The following IGF1 variants were observed in gnomAD, a reference collection of about 807,000 sequenced individuals.
The protein encoded by IGF1 is insulin like growth factor 1, also known as insulin-like growth factor 1.
Under a neutral mutation model 13.8 loss-of-function variants are expected in IGF1, and 4 were observed. The ratio of observed to expected loss-of-function variants is 0.29; its 90% CI spans 0.14 to 0.66. IGF1 has a LOEUF of 0.66. Among genes scored for constraint, IGF1 ranks in the 30% least tolerant of loss-of-function variants. IGF1 has a pLI of 0.78. For synonymous variants in IGF1, 76 were observed against 72.6 expected (o/e 1.05, Z -0.23); for missense variants, 124 against 188.5 (o/e 0.66, Z 2.00).
chr12:102,434,205 T>G (rs1173140056), intron 2 of IGF1, among the ~76,000 whole-genome samples: 1 of 150,998 alleles, frequency 6.6e-6, no homozygotes, highest in African/African-American at 2.4e-5. Flanking sequence ...TTGTGCAGGT[T>G]AGTTACATAT....
rs1214663519 is a variant in IGF1, at chr12:102,399,928, T to C, written c.*2579A>G. On this transcript the variant is annotated 3_prime_UTR_variant, in exon 4 of 4. Transcript: ENST00000337514. Reference sequence around the variant, plus strand: ...AGTATCTTATTCCACAGAACCTGTATGTCTGGAAAACAGGCAGAGGGCAAA... The same window carrying C: ...AGTATCTTATTCCACAGAACCTGTACGTCTGGAAAACAGGCAGAGGGCAAA... 6.6e-6 allele frequency: 1 copy of C among 152,216 alleles called. No individual in the cohort carries two copies. Among genetic ancestry groups the C allele is most frequent in the African/African-American group, 2.4e-5 (1 of 41,456 alleles). 9.4% of individuals were successfully genotyped at this position (152,216 alleles called of 1,614,324 possible). A position where few individuals can be genotyped will look rare whatever the true frequency, so the allele number is the denominator to read the frequency against.
intron 1 of IGF1, chr12:102,478,541 G>A: frequency 6.2e-7 from 1 of 1,609,226 alleles, no homozygotes; most frequent in Non-Finnish European, 8.5e-7. Flanking sequence ...GTCAGGGTGG[G>A]TATTATGAGG....
chr12:102,403,291 A>G (rs999523451), intron 3 of IGF1, among the ~76,000 whole-genome samples: 1 of 152,218 alleles, frequency 6.6e-6, no homozygotes, highest in Non-Finnish European at 1.5e-5. Context: ...GGCACATGGT[A>G]AGCACTACAT....
intron 2 of IGF1, among the ~76,000 whole-genome samples, chr12:102,461,938 G>A (rs1485587045): frequency 6.6e-6 from 1 of 152,196 alleles, no homozygotes; most frequent in Non-Finnish European, 1.5e-5. Context: ...GAATTAGCAA[G>A]TACCTCTTAC....
chr12:102,472,408 C>T (rs1880744609), intron 2 of IGF1, among the ~76,000 whole-genome samples: 1 of 151,848 alleles, frequency 6.6e-6, no homozygotes. Flanking sequence ...CAGAACAGTT[C>T]TAATAGAGTT....
chr12:102,464,984 G>A (rs1299898180), intron 2 of IGF1, among the ~76,000 whole-genome samples: 1 of 152,178 alleles, frequency 6.6e-6, no homozygotes, highest in African/African-American at 2.4e-5. Flanking sequence ...AGCAAGCTCA[G>A]TGTGGTAAAA....
intron 2 of IGF1, among the ~76,000 whole-genome samples, chr12:102,457,400 G>A (rs73180995): frequency 5.3e-5 from 8 of 152,302 alleles, no homozygotes; most frequent in Non-Finnish European, 1.2e-4. Context: ...GAATTTTGAC[G>A]CATCATTGAA....
At position 102,480,461 on chromosome 12, in the gene IGF1, T is replaced by A. The variant is rs1881335750; in HGVS notation, c.-80A>T. ...AAAAGAAATCCAGAGAGATGGGAGA[T>A]GTTGAGAGCAATGTCACATTTCAAT... On this transcript the variant is annotated 5_prime_UTR_variant, in exon 1 of 4. Coordinates refer to ENST00000337514, the MANE Select transcript of IGF1 (RefSeq NM_000618.5). 1.9e-6 allele frequency: 3 copies of A among 1,605,200 alleles called. No homozygotes were observed. Among genetic ancestry groups the A allele is most frequent in the African/African-American group, 1.3e-5 (1 of 74,804 alleles).
intron 2 of IGF1, among the ~76,000 whole-genome samples, chr12:102,466,372 G>T (rs1306447514): frequency 1.3e-5 from 2 of 152,116 alleles, no homozygotes; most frequent in Non-Finnish European, 2.9e-5. Context: ...TTGCCCCCAG[G>T]GGTACATTTG....
intron 2 of IGF1, among the ~76,000 whole-genome samples, chr12:102,427,514 G>C (rs1002773459): frequency 6.6e-6 from 1 of 152,158 alleles, no homozygotes; most frequent in Non-Finnish European, 1.5e-5. Context: ...CCTGCCCTCT[G>C]TTCTCAGGGG....
Position 102,409,758 on chromosome 12 carries a change from A to G in IGF1, c.403-7192T>C, listed in dbSNP as rs1421382556. Among the ~76,000 whole-genome samples the G allele has an allele frequency of 1.8e-4, 27 of 152,226 alleles. 1 individual carries two copies. Among genetic ancestry groups the G allele is most frequent in the Admixed American group, 1.5e-3 (23 of 15,282 alleles). On this transcript the variant is annotated intron_variant, in intron 3 of 3. Coordinates refer to ENST00000337514, the MANE Select transcript of IGF1 (RefSeq NM_000618.5). ...CAGCCTGAGTTTTCCTGTCTATACA[A>G]TAGTGATAATTGTGGTACTCACTCT...
intron 2 of IGF1, among the ~76,000 whole-genome samples, chr12:102,425,726 A>G (rs1876144911): frequency 2.0e-5 from 3 of 152,216 alleles, no homozygotes; most frequent in African/African-American, 7.2e-5. Context: ...AAGCAGAAAC[A>G]TTACTGTTTT....
chr12:102,448,873 G>A (rs563550806), intron 2 of IGF1, among the ~76,000 whole-genome samples: 10 of 152,190 alleles, frequency 6.6e-5, no homozygotes, highest in African/African-American at 2.4e-4. Context: ...AGTTAGAATG[G>A]TGATCATTAA....
intron 2 of IGF1, among the ~76,000 whole-genome samples, chr12:102,441,915 CCTTCTTCTTCTT>C (rs57084343): frequency 8.2e-6 from 1 of 122,140 alleles, no homozygotes; most frequent in African/African-American, 3.1e-5. Context: ...TGCTTCTTCT[CCTTCTTCTTCTT>C]CTTCTTCTTC....
intron 2 of IGF1, among the ~76,000 whole-genome samples, chr12:102,448,694 A>AAT (rs1236577234): frequency 9.6e-3 from 165 of 17,256 alleles, no homozygotes; most frequent in African/African-American, 0.022. Flanking sequence ...TATAATAAAA[A>AAT]AAAAAAAAAA....
intron 2 of IGF1, among the ~76,000 whole-genome samples, chr12:102,453,306 ATTTG>A (rs753100852): frequency 7.2e-5 from 11 of 152,066 alleles, no homozygotes; most frequent in Non-Finnish European, 1.6e-4. Context: ...AGAGCTTGGC[ATTTG>A]TTTGTTTGTT....
At chr12:102,435,779 G>C (rs1296719660) in intron 2 of IGF1, among the ~76,000 whole-genome samples, 2 of 152,176 alleles carry the variant, frequency 1.3e-5, no homozygotes, top group Non-Finnish European at 2.9e-5. Flanking sequence ...TTTCAAACTT[G>C]AGCCTGCATG....
rs371603278 is a variant in IGF1 at position 102,399,018 on chromosome 12, G to T, written c.*3489C>A. ...AAGGAGAGGAAGGATTCTCAAGGGT[G>T]GACAGGCTTTTTGTTTGTTTGTTTG... On this transcript the variant is annotated 3_prime_UTR_variant, in exon 4 of 4. Coordinates refer to ENST00000337514, the MANE Select transcript of IGF1 (RefSeq NM_000618.5). The T allele has an allele frequency of 6.6e-6, 1 of 152,318 alleles. No individual in the cohort carries two copies. The highest frequency in any genetic ancestry group is 1.5e-5 in the Non-Finnish European group (1 of 68,010). The allele number at this position is 152,318 out of a possible 1,614,324, so 9.4% of individuals were successfully genotyped here.
rs1873418450 is a variant in IGF1, at chr12:102,398,581, A to T, written c.*3926T>A. On this transcript the variant is annotated 3_prime_UTR_variant, in exon 4 of 4. Coordinates refer to ENST00000337514, the MANE Select transcript of IGF1 (RefSeq NM_000618.5). The stretch of plus-strand genomic sequence containing the variant: ...TTTGCTAAGTTTGAGAGCCAACAAA[A>T]CAATGGAGCCTTCTAACTTTAAAAA... 6.6e-6 allele frequency: 1 copy of T among 152,148 alleles called. No individual in the cohort carries two copies. The highest frequency in any genetic ancestry group is 1.5e-5 in the Non-Finnish European group (1 of 68,014). The allele number at this position is 152,148 out of a possible 1,614,324, so 9.4% of individuals were successfully genotyped here.
Sources: allele counts gnomAD v4.1 joint callset (sites outside exome capture counted in the v4.1 genomes callset), GRCh38; gene constraint gnomAD v4.1.1; transcripts MANE v1.5; gene names NCBI Gene and HGNC (gene_info 2026-07-23, HGNC 2026-07-21).